The following WDR70 variants were observed in gnomAD, a reference collection of about 807,000 sequenced individuals.
The protein encoded by WDR70 is WD repeat-containing protein 70.
WDR70 carries 53 observed loss-of-function variants against 88.6 expected under a neutral mutation model. The ratio of observed to expected loss-of-function variants is 0.60; its 90% confidence interval spans 0.48 to 0.75. The LOEUF (loss-of-function observed/expected upper bound fraction) is 0.75, where lower values mean the gene tolerates loss of function less well. WDR70 is among the 30% of genes least tolerant of loss of function. WDR70 has a pLI of 0.00. For synonymous variants in WDR70, 280 were observed against 270.0 expected, an observed-to-expected ratio of 1.04 and a Z score of -0.36; for missense variants, 610 against 823.2, an observed-to-expected ratio of 0.74 and a Z score of 3.17.
chr5:37,662,098 G>T (rs755117659), intron 10 of WDR70, among the ~76,000 whole-genome samples: 4 of 152,178 alleles, frequency 2.6e-5, no homozygotes, highest in Non-Finnish European at 5.9e-5. Flanking sequence ...TTAGAAGCAA[G>T]AAGTCAGTTA....
At chr5:37,391,220 C>A (rs1289664615) in intron 3 of WDR70, among the ~76,000 whole-genome samples, 1 of 151,974 alleles carries the variant, frequency 6.6e-6, no homozygotes, top group Non-Finnish European at 1.5e-5. Context: ...TAATTTCGTT[C>A]AATTCTTTTA....
intron 11 of WDR70, 32 bp from the exon 12 acceptor site, chr5:37,701,026 C>T (rs1747145381): frequency 1.4e-6 from 2 of 1,399,024 alleles, no homozygotes; most frequent in African/African-American, 1.4e-5. Context: ...ATTCACTTTT[C>T]TGTCTTTTTT....
chr5:37,730,108 A>G (rs936063832), intron 17 of WDR70, among the ~76,000 whole-genome samples: 10 of 152,154 alleles, frequency 6.6e-5, no homozygotes, highest in Non-Finnish European at 1.2e-4. Flanking sequence ...ATATGAACAC[A>G]TGTATAGAGT....
intron 10 of WDR70, among the ~76,000 whole-genome samples, chr5:37,680,736 C>A (rs1377476858): frequency 6.6e-6 from 1 of 152,096 alleles, no homozygotes; most frequent in Non-Finnish European, 1.5e-5. Context: ...TCTAGGTTCT[C>A]TATTCTGTTC....
chr5:37,524,877 A>G (rs1197938643), intron 9 of WDR70, among the ~76,000 whole-genome samples: 1 of 152,186 alleles, frequency 6.6e-6, no homozygotes, highest in African/African-American at 2.4e-5. Context: ...TCAAAAGAGA[A>G]AAGAAGGCCA....
chr5:37,687,884 A>T (rs1242416680), intron 10 of WDR70: 2 of 653,232 alleles, frequency 3.1e-6, no homozygotes, highest in Non-Finnish European at 5.7e-6. Flanking sequence ...CATCAGATTC[A>T]CAATACCATC....
chr5:37,484,282 C>T (rs978966006), intron 8 of WDR70, among the ~76,000 whole-genome samples: 8 of 152,220 alleles, frequency 5.3e-5, no homozygotes, highest in Non-Finnish European at 5.9e-5. Context: ...ACTGAGTGAA[C>T]GAGACTCTGT....
chr5:37,519,528 AGACGGGGC>A (rs1241015543), intron 9 of WDR70, among the ~76,000 whole-genome samples: 2 of 144,932 alleles, frequency 1.4e-5, no homozygotes, highest in African/African-American at 5.2e-5. Flanking sequence ...CTCACCTCCC[AGACGGGGC>A]GGCGGGGCGG....
At chr5:37,681,171 G>C (rs1165178817) in intron 10 of WDR70, among the ~76,000 whole-genome samples, 1 of 152,020 alleles carries the variant, frequency 6.6e-6, no homozygotes, top group African/African-American at 2.4e-5. Flanking sequence ...CTGGTTAGCT[G>C]TATTTCTAGG....
rs564353325 is a variant in WDR70, at chr5:37,416,130, A to G, written c.492+19560A>G. ...GGGTGGCGGCCGGGCAGAGGCTGCA[A>G]TCTTGGCACTTTGGGAGGCCAAGGC... On this transcript the variant is annotated intron_variant, in intron 5 of 17. Transcript: ENST00000265107. Among the ~76,000 whole-genome samples the G allele has an allele frequency of 2.9e-3, 439 of 152,256 alleles. 2 individuals carry two copies. Among genetic ancestry groups the G allele is most frequent in the African/African-American group, 0.01 (427 of 41,558 alleles).
chr5:37,460,554 G>T (rs1483087336), intron 7 of WDR70, among the ~76,000 whole-genome samples: 10 of 66,186 alleles, frequency 1.5e-4, no homozygotes, highest in African/African-American at 3.1e-4. Context: ...GTCGGGGGAG[G>T]GGGGAGGGAT....
intron 10 of WDR70, among the ~76,000 whole-genome samples, chr5:37,676,815 G>A (rs753487144): frequency 4.5e-4 from 68 of 152,292 alleles, no homozygotes; most frequent in South Asian, 4.1e-4. Flanking sequence ...AATGGTACCC[G>A]TTCCTCCTTC....
chr5:37,697,547 A>G, intron 10 of WDR70, 108 bp from the exon 11 acceptor site: 1 of 821,114 alleles, frequency 1.2e-6, no homozygotes, highest in South Asian at 1.8e-5. Flanking sequence ...TACTTTGCTT[A>G]TAGGTGTGTA....
intron 8 of WDR70, among the ~76,000 whole-genome samples, chr5:37,483,509 C>T (rs1739739968): frequency 6.6e-6 from 1 of 152,270 alleles, no homozygotes; most frequent in South Asian, 2.1e-4. Context: ...TCTTTCTACA[C>T]AGACACGGCA....
rs747075926 is a variant in WDR70, at chr5:37,701,092, A to G, written c.1227A>G (p.Gln409=). Reference sequence around the variant, plus strand: ...CATTAAAATTATGGGACATCCGACAATTTAATAAACCACTTTTTTCAGCCT... The same window carrying G: ...CATTAAAATTATGGGACATCCGACAGTTTAATAAACCACTTTTTTCAGCCT... ...DDSLKLWDIR[Q]FNKPLFSASG... Residue 409 remains glutamine, a synonymous_variant, in exon 12 of 18, where the codon CAA becomes CAG. Transcript: ENST00000265107. 1 of 1,612,882 alleles carries G rather than the reference A, an allele frequency of 6.2e-7. No homozygotes were observed. The highest frequency in any genetic ancestry group is 1.1e-5 in the South Asian group (1 of 91,044).
At chr5:37,665,112 T>C (rs1745800108) in intron 10 of WDR70, among the ~76,000 whole-genome samples, 1 of 152,312 alleles carries the variant, frequency 6.6e-6, no homozygotes. Context: ...TGTATGATCC[T>C]TTTTCTCCTT....
chr5:37,445,934 G>T (rs574022627), intron 7 of WDR70, among the ~76,000 whole-genome samples: 1 of 152,226 alleles, frequency 6.6e-6, no homozygotes, highest in South Asian at 2.1e-4. Context: ...CGGAAGTTCT[G>T]GCCAGGCAAT....
In WDR70 at chr5:37,625,634, C is replaced by T. The variant is rs181311351; in HGVS notation, c.1092+20396C>T. Among the ~76,000 whole-genome samples the T allele has an allele frequency of 1.5e-4, 23 of 152,212 alleles. 1 individual carries two copies. In the East Asian group the frequency reaches 4.3e-3, roughly 28 times the overall value. ...CCAACTCCCGGGTTCAAGCAATTCT[C>T]CTGCCTCAGCCTCCTGAGTAGTTGG... On this transcript the variant is annotated intron_variant, in intron 10 of 17. Coordinates refer to ENST00000265107, the MANE Select transcript of WDR70 (RefSeq NM_018034.4).
At chr5:37,707,921 G>GAAAAAAAAAAAA (rs1187436953) in intron 13 of WDR70, among the ~76,000 whole-genome samples, 1 of 15,148 alleles carries the variant, frequency 6.6e-5, no homozygotes, top group Non-Finnish European at 1.3e-4. Context: ...CTCAAAAAAA[G>GAAAAAAAAAAAA]AAAAAAAAAA....
Sources: allele counts gnomAD v4.1 joint callset (sites outside exome capture counted in the v4.1 genomes callset), GRCh38; gene constraint gnomAD v4.1.1; transcripts MANE v1.5; gene names NCBI Gene and HGNC (gene_info 2026-07-23, HGNC 2026-07-21).